Variants in POLN observed in about 807,000 individuals in gnomAD.
The protein encoded by POLN is DNA polymerase N.
In POLN, 108 loss-of-function variants were observed where a neutral mutation model predicts 113.5. The ratio of observed to expected loss-of-function variants is 0.95; its 90% CI spans 0.81 to 1.12. The LOEUF (loss-of-function observed/expected upper bound fraction) is 1.12, where lower values mean the gene tolerates loss of function less well. Ranked by LOEUF, POLN falls within the 50% of genes most tolerant of loss-of-function variation. POLN has a pLI of 0.00. For synonymous variants in POLN, 386 were observed against 391.5 expected, an observed-to-expected ratio of 0.99 and a Z score of 0.17; for missense variants, 1,097 against 1,077.1, an observed-to-expected ratio of 1.02 and a Z score of -0.26.
chr4:2,112,902 T>G (rs1276459073), intron 19 of POLN, among the ~76,000 whole-genome samples: 1 of 152,076 alleles, frequency 6.6e-6, no homozygotes, highest in African/African-American at 2.4e-5. Flanking sequence ...ACCCAAAGGA[T>G]TAGAAATCAT....
chr4:2,138,034 T>C (rs983129657), intron 16 of POLN, among the ~76,000 whole-genome samples: 1 of 152,146 alleles, frequency 6.6e-6, no homozygotes, highest in African/African-American at 2.4e-5. Flanking sequence ...AGACAAGGTT[T>C]CATCATGTTG....
At chr4:2,122,701 C>T (rs1359822812) in intron 19 of POLN, among the ~76,000 whole-genome samples, 1 of 152,000 alleles carries the variant, frequency 6.6e-6, no homozygotes, top group Non-Finnish European at 1.5e-5. Context: ...AATATGGGTA[C>T]CACTGAACTG....
At chr4:2,137,019 C>T (rs1430334517) in intron 16 of POLN, among the ~76,000 whole-genome samples, 5 of 152,244 alleles carry the variant, frequency 3.3e-5, no homozygotes, top group African/African-American at 9.6e-5. Flanking sequence ...AACAGCCACA[C>T]GGCACTCTGC....
intron 5 of POLN, among the ~76,000 whole-genome samples, chr4:2,201,622 A>G (rs1172670142): frequency 1.3e-5 from 2 of 152,196 alleles, no homozygotes; most frequent in African/African-American, 4.8e-5. Context: ...TTTGGAAAAC[A>G]TATTTGGGGG....
chr4:2,158,775 G>A (rs956230566), intron 14 of POLN, among the ~76,000 whole-genome samples: 3 of 152,232 alleles, frequency 2.0e-5, no homozygotes, highest in Non-Finnish European at 2.9e-5. Flanking sequence ...AGTGCAAGAT[G>A]ACACAACACT....
intron 24 of POLN, among the ~76,000 whole-genome samples, chr4:2,074,256 C>T (rs1158478882): frequency 1.3e-5 from 2 of 152,268 alleles, no homozygotes; most frequent in African/African-American, 2.4e-5. Flanking sequence ...AGATGCTGGG[C>T]GCTACACACC....
In POLN at chr4:2,193,267, T is replaced by A. The variant is rs1733495690; in HGVS notation, c.958A>T (p.Asn320Tyr). ...MKCKCPVICFNAKDFVRIVLQ... is the reference protein window; with the variant it reads ...MKCKCPVICFYAKDFVRIVLQ... ...ACTATTCTCACAAAATCCTTAGCAT[T>A]AAAACAAATAACAGGACATTTACAT... Residue 320 changes from asparagine to tyrosine, a missense_variant, in exon 7 of 26, where the codon AAT becomes TAT. Physicochemically the swap from Asn to Tyr is moderately radical, Grantham distance 143. Coordinates refer to ENST00000511885, the MANE Select transcript of POLN (RefSeq NM_181808.4). The A allele has an allele frequency of 2.5e-6, 4 of 1,610,750 alleles. No homozygotes were observed. The highest frequency in any genetic ancestry group is 1.7e-6 in the Non-Finnish European group (2 of 1,178,556).
intron 11 of POLN, 150 bp from the exon 12 acceptor site, chr4:2,171,331 T>G (rs1732855706): frequency 3.4e-6 from 2 of 582,580 alleles, no homozygotes; most frequent in East Asian, 6.6e-5. Flanking sequence ...GGCAGGAGGA[T>G]CACTTGAGAC....
chr4:2,218,219 G>A (rs1014745647), intron 3 of POLN, among the ~76,000 whole-genome samples: 4 of 150,886 alleles, frequency 2.7e-5, no homozygotes, highest in Non-Finnish European at 5.9e-5. Context: ...ATCATCTAAG[G>A]TCGGGAGTTC....
chr4:2,105,818 GA>G (rs1731052053), intron 19 of POLN, among the ~76,000 whole-genome samples: 1 of 148,004 alleles, frequency 6.8e-6, no homozygotes, highest in Non-Finnish European at 1.5e-5. Context: ...TGATGATGAT[GA>G]TGATGATGAT....
At position 2,176,291 on chromosome 4, in the gene POLN, G is replaced by A. The variant is rs61748688; in HGVS notation, c.1223C>T (p.Thr408Ile). ...CTTCAGTTTAGAGCAAAGGTCCATTGTAAGTCTGTAGAGTGTCTTCAGGTT... is the reference window on the plus strand; with the variant it reads ...CTTCAGTTTAGAGCAAAGGTCCATTATAAGTCTGTAGAGTGTCTTCAGGTT... ...RENLKTLYRLTMDLCSKLKDY... is the reference protein window; with the variant it reads ...RENLKTLYRLIMDLCSKLKDY... The change falls in exon 9 of 26, where the codon ACA becomes ATA. Residue 408 changes from threonine to isoleucine, a missense_variant. Coordinates refer to ENST00000511885, the MANE Select transcript of POLN (RefSeq NM_181808.4). The A allele has an allele frequency of 1.2e-6, 2 of 1,604,276 alleles. No individual in the cohort carries two copies. The highest frequency in any genetic ancestry group is 4.5e-5 in the East Asian group (2 of 44,522).
Position 2,075,514 on chromosome 4 carries a change from A to G in POLN, c.2393T>C (p.Val798Ala). 6.2e-7 allele frequency: 1 copy of G among 1,613,254 alleles called. No homozygotes were observed. The highest frequency in any genetic ancestry group is 1.1e-5 in the South Asian group (1 of 91,084). Residue 798 changes from valine (V) to alanine (A), a missense_variant, in exon 24 of 26, where the codon GTG becomes GCG. Transcript: ENST00000511885. ...AASHTLTARL[V>A]AQIHDELLFE... Reference sequence around the variant, plus strand: ...CAGCAGCTCATCATGGATCTGGGCCACCAGCCTGGCAGGGAGGGAAGGAGT... The same window carrying G: ...CAGCAGCTCATCATGGATCTGGGCCGCCAGCCTGGCAGGGAGGGAAGGAGT...
At chr4:2,184,269 AAAAC>A (rs995963223) in intron 7 of POLN, among the ~76,000 whole-genome samples, 1 of 151,846 alleles carries the variant, frequency 6.6e-6, no homozygotes, top group African/African-American at 2.4e-5. Context: ...AAAGGAAAAC[AAAAC>A]AAACAAAAAC....
chr4:2,129,380 A>C, intron 17 of POLN, 124 bp from the exon 18 acceptor site: 1 of 625,198 alleles, frequency 1.6e-6, no homozygotes, highest in South Asian at 2.1e-5. Context: ...ATTTTTCCGA[A>C]TATTTTTATT....
At chr4:2,215,661 A>G (rs1197568310) in intron 3 of POLN, among the ~76,000 whole-genome samples, 2 of 152,176 alleles carry the variant, frequency 1.3e-5, no homozygotes, top group Admixed American at 6.5e-5. Context: ...ACAGTGCTTC[A>G]GTACTAAAGG....
intron 20 of POLN, among the ~76,000 whole-genome samples, chr4:2,087,133 G>A (rs190385256): frequency 1.3e-5 from 2 of 152,292 alleles, no homozygotes; most frequent in African/African-American, 4.8e-5. Flanking sequence ...AGTTTATCCC[G>A]GCAGAAAGGG....
intron 16 of POLN, among the ~76,000 whole-genome samples, chr4:2,152,340 A>ATT (rs75242681): frequency 6.9e-5 from 9 of 129,522 alleles, no homozygotes; most frequent in African/African-American, 1.7e-4. Context: ...ACCTGGCCTG[A>ATT]TTTTTTTTTT....
At chr4:2,134,979 C>A (rs914444125) in intron 16 of POLN, among the ~76,000 whole-genome samples, 2 of 152,176 alleles carry the variant, frequency 1.3e-5, no homozygotes, top group African/African-American at 4.8e-5. Flanking sequence ...GTGCACGCAT[C>A]CCCCCAATAC....
chr4:2,162,305 G>C (rs557127439), intron 13 of POLN, among the ~76,000 whole-genome samples: 33 of 152,238 alleles, frequency 2.2e-4, no homozygotes, highest in Non-Finnish European at 3.8e-4. Context: ...GCCGCCTTAA[G>C]AGCTGTAACA....
Sources: allele counts gnomAD v4.1 joint callset (sites outside exome capture counted in the v4.1 genomes callset), GRCh38; gene constraint gnomAD v4.1.1; transcripts MANE v1.5; gene names NCBI Gene and HGNC (gene_info 2026-07-23, HGNC 2026-07-21).